CXCL13: variants seen among roughly 807,000 people sequenced by gnomAD.
CXCL13 encodes C-X-C motif chemokine ligand 13.
CXCL13 carries 7 observed loss-of-function variants against 12.2 expected under a neutral mutation model. That is an observed-to-expected ratio of 0.57 (90% CI 0.33 to 1.07). The LOEUF (loss-of-function observed/expected upper bound fraction) is 1.07, where lower values mean the gene tolerates loss of function less well. CXCL13 is among the 50% of genes least tolerant of loss of function. The pLI is 0.04. For synonymous variants in CXCL13, 47 were observed against 42.4 expected (o/e 1.11, Z -0.42); for missense variants, 113 against 127.4 (o/e 0.89, Z 0.55).
chr4:77,590,169 G>A (rs1726572602), intron 1 of CXCL13, among the ~76,000 whole-genome samples: 1 of 152,132 alleles, frequency 6.6e-6, no homozygotes, highest in Admixed American at 6.5e-5. Context: ...ATTCAGAAGA[G>A]GATAATATCC....
intron 1 of CXCL13, among the ~76,000 whole-genome samples, chr4:77,574,071 A>T (rs1317338262): frequency 6.6e-6 from 1 of 151,990 alleles, no homozygotes; most frequent in Non-Finnish European, 1.5e-5. Context: ...GAGTCTGGTA[A>T]TTAGAGATAT....
intron 1 of CXCL13, among the ~76,000 whole-genome samples, chr4:77,607,020 A>G (rs778895958): frequency 6.6e-6 from 1 of 152,186 alleles, no homozygotes; most frequent in Non-Finnish European, 1.5e-5. Flanking sequence ...CAACCCAGAC[A>G]GAGGACCAAC....
At chr4:77,536,945 G>A (rs1051477680) in intron 1 of CXCL13, among the ~76,000 whole-genome samples, 1 of 152,090 alleles carries the variant, frequency 6.6e-6, no homozygotes, top group Admixed American at 6.6e-5. Context: ...CATTATTAGA[G>A]CATATTATCT....
Position 77,570,973 on chromosome 4 carries a change from G to A in CXCL13, c.-42-34851G>A, listed in dbSNP as rs865997061. ...GCCTCCGTGGGTTCCTGTGCAGCCC[G>A]AGACTCCCTGACGAATGCCGCTCCC... On this transcript the variant is annotated intron_variant, in intron 1 of 4. Transcript: ENST00000286758. Among the ~76,000 whole-genome samples the A allele has an allele frequency of 7.2e-5, 11 of 151,986 alleles. No individual in the cohort carries two copies. The South Asian group carries it at 8.3e-4, about 11-fold the overall frequency.
At chr4:77,525,315 C>T (rs1041450646) in intron 1 of CXCL13, among the ~76,000 whole-genome samples, 1 of 152,206 alleles carries the variant, frequency 6.6e-6, no homozygotes, top group South Asian at 2.1e-4. Flanking sequence ...TATAATAATT[C>T]TTTATGTTTC....
chr4:77,552,028 T>G (rs1373103951), intron 1 of CXCL13, among the ~76,000 whole-genome samples: 1 of 152,196 alleles, frequency 6.6e-6, no homozygotes, highest in African/African-American at 2.4e-5. Context: ...AACCTTATCT[T>G]GTATCTCATT....
At chr4:77,521,077 G>A (rs921761755) in intron 1 of CXCL13, among the ~76,000 whole-genome samples, 3 of 152,226 alleles carry the variant, frequency 2.0e-5, no homozygotes, top group African/African-American at 2.4e-5. Context: ...CAACTTGATC[G>A]TGTTGGGTAA....
intron 1 of CXCL13, among the ~76,000 whole-genome samples, chr4:77,538,057 T>C (rs929318326): frequency 6.6e-6 from 1 of 152,106 alleles, no homozygotes; most frequent in African/African-American, 2.4e-5. Context: ...CAGAGATCAG[T>C]GATGGAGAAA....
intron 3 of CXCL13, 67 bp from the exon 4 acceptor site, chr4:77,610,921 A>G (rs953329731): frequency 7.0e-7 from 1 of 1,432,346 alleles, no homozygotes; most frequent in Non-Finnish European, 9.8e-7. Context: ...CGGTATCTCC[A>G]GAGGAAAGCC....
At chr4:77,536,195 C>T (rs992680001) in intron 1 of CXCL13, among the ~76,000 whole-genome samples, 1 of 151,964 alleles carries the variant, frequency 6.6e-6, no homozygotes, top group Non-Finnish European at 1.5e-5. Flanking sequence ...TGGCAGATAT[C>T]CAGTGTAGTT....
At chr4:77,524,929 A>G (rs915666314) in intron 1 of CXCL13, among the ~76,000 whole-genome samples, 1 of 152,210 alleles carries the variant, frequency 6.6e-6, no homozygotes. Flanking sequence ...AAATTAGACC[A>G]TGCATCAGAT....
At chr4:77,596,106 T>C (rs1430430515) in intron 1 of CXCL13, among the ~76,000 whole-genome samples, 7 of 152,224 alleles carry the variant, frequency 4.6e-5, no homozygotes, top group Admixed American at 3.3e-4. Flanking sequence ...CTGAGGCAGA[T>C]AGAAGGCAGT....
Position 77,513,455 on chromosome 4 carries a change from C to CTTT in CXCL13, c.-43+1679_-43+1681dup, listed in dbSNP as rs574725892. 6.9e-3 allele frequency among the ~76,000 whole-genome samples: 997 copies of CTTT among 144,760 alleles called. 14 individuals carry two copies. Among genetic ancestry groups the CTTT allele is most frequent in the African/African-American group, 0.022 (890 of 39,610 alleles). The allele number at this position is 144,760 out of a possible 152,430, so 95.0% of individuals were successfully genotyped here. A position where few individuals can be genotyped will look rare whatever the true frequency, so the allele number is the denominator to read the frequency against. ...CTCTCCAGCATCTGTTGTTTCCTGA[C>CTTT]TTTTTTTTTTTTTTGAGACGGAGTC... On this transcript the variant is annotated intron_variant, in intron 1 of 4. Transcript: ENST00000286758.
At chr4:77,518,169 T>G (rs938216174) in intron 1 of CXCL13, among the ~76,000 whole-genome samples, 14 of 152,238 alleles carry the variant, frequency 9.2e-5, no homozygotes, top group African/African-American at 3.1e-4. Context: ...GATCCGCTGT[T>G]AGTCTGATGG....
At chr4:77,573,882 G>A (rs1273791051) in intron 1 of CXCL13, among the ~76,000 whole-genome samples, 1 of 151,858 alleles carries the variant, frequency 6.6e-6, no homozygotes, top group East Asian at 1.9e-4. Context: ...TTTTCTTTGA[G>A]GGACATTAGG....
In CXCL13 at chr4:77,516,035, C is replaced by A. The variant is rs191309071; in HGVS notation, c.-43+4247C>A. 9.7e-3 allele frequency among the ~76,000 whole-genome samples: 1,484 copies of A among 152,254 alleles called. 18 individuals are homozygous for A. The highest frequency in any genetic ancestry group is 0.016 in the Non-Finnish European group (1,080 of 68,016). Reference sequence around the variant, plus strand: ...AGCGTGAAGTGCTGTTGAATTTTGTCAAAGGCCTTTTCTGCATCTATTGAG... The same window carrying A: ...AGCGTGAAGTGCTGTTGAATTTTGTAAAAGGCCTTTTCTGCATCTATTGAG... On this transcript the variant is annotated intron_variant, in intron 1 of 4. Coordinates refer to the CXCL13 transcript ENST00000286758.
intron 1 of CXCL13, among the ~76,000 whole-genome samples, chr4:77,532,865 T>A (rs1724963851): frequency 6.6e-6 from 1 of 152,238 alleles, no homozygotes; most frequent in Admixed American, 6.5e-5. Flanking sequence ...GTATTCATCA[T>A]GTAGTTCTCA....
At chr4:77,532,737 G>A (rs191233105) in intron 1 of CXCL13, among the ~76,000 whole-genome samples, 7 of 152,070 alleles carry the variant, frequency 4.6e-5, no homozygotes, top group Non-Finnish European at 1.0e-4. Flanking sequence ...TGGATGCTTT[G>A]TTCATTTCTT....
At chr4:77,601,281 GA>G (rs1407010420), upstream of CXCL13, among the ~76,000 whole-genome samples, 1 of 152,178 alleles carries the variant, frequency 6.6e-6, no homozygotes, top group Non-Finnish European at 1.5e-5. Flanking sequence ...CGCTCAAGAT[GA>G]AAATGATGGC....
Sources: gnomAD v4.1 joint callset for allele counts (sites outside exome capture counted in the v4.1 genomes callset) on GRCh38, gnomAD v4.1.1 for gene constraint, MANE v1.5 for transcripts, NCBI Gene and HGNC (gene_info 2026-07-23, HGNC 2026-07-21) for gene names.